UMAD1: variants seen among roughly 807,000 people sequenced by gnomAD.
UMAD1 encodes UBAP1-MVB12-associated (UMA) domain containing 1.
A neutral mutation model predicts 6.1 loss-of-function variants in UMAD1; 8 were observed. That is an observed-to-expected ratio of 1.30 (90% CI 0.76 to 2.35). The LOEUF is 2.35. Among genes scored for constraint, UMAD1 ranks in the 30% most tolerant of loss-of-function variants. The pLI, the probability that UMAD1 is intolerant of heterozygous loss-of-function variation, is 0.00. For synonymous variants in UMAD1, 56 were observed against 31.4 expected (o/e 1.78, Z -2.61); for missense variants, 130 against 78.4 (o/e 1.66, Z -2.49).
chr7:7,796,378 A>C (rs1051108115), intron 2 of UMAD1, among the ~76,000 whole-genome samples: 2 of 148,540 alleles, frequency 1.3e-5, no homozygotes, highest in African/African-American at 5.0e-5. Flanking sequence ...CAGCCTCCCG[A>C]GTAGCTGGGA....
chr7:7,743,025 T>TA (rs1781504769), intron 2 of UMAD1, among the ~76,000 whole-genome samples: 1 of 152,212 alleles, frequency 6.6e-6, no homozygotes. Context: ...TCTGTGTATA[T>TA]ATGTGTTTAC....
chr7:7,803,518 A>G (rs1273183008), intron 3 of UMAD1, among the ~76,000 whole-genome samples: 1 of 152,204 alleles, frequency 6.6e-6, no homozygotes, highest in African/African-American at 2.4e-5. Context: ...AACCACCAGG[A>G]TGGTTCAAAA....
In UMAD1 at chr7:7,673,362, A is replaced by AGCT. The variant is rs1381582853; in HGVS notation, c.-8_-7insTGC. ...CAGCAGCAGCAGCAGCAGCAGCAGC[A>AGCT]GCAGCAGCAATGTTTCACTTCTTCA... On this transcript the variant is annotated 5_prime_UTR_variant, in exon 2 of 4. Coordinates refer to ENST00000682710, the MANE Select transcript of UMAD1 (RefSeq NM_001302348.2). 7.9e-7 allele frequency: 1 copy of AGCT among 1,265,764 alleles called. No homozygotes were observed. Among genetic ancestry groups the AGCT allele is most frequent in the African/African-American group, 1.5e-5 (1 of 66,564 alleles). 78.4% of individuals were successfully genotyped at this position (1,265,764 alleles called of 1,614,324 possible).
intron 2 of UMAD1, among the ~76,000 whole-genome samples, chr7:7,697,020 A>G (rs954413261): frequency 1.3e-5 from 2 of 152,168 alleles, no homozygotes; most frequent in Non-Finnish European, 2.9e-5. Flanking sequence ...AGGTCTGTAT[A>G]ACTTCTGTCT....
chr7:7,780,234 G>T (rs1242101664), intron 2 of UMAD1, among the ~76,000 whole-genome samples: 1 of 152,024 alleles, frequency 6.6e-6, no homozygotes, highest in Non-Finnish European at 1.5e-5. Context: ...TTCAAACTAA[G>T]CTCTCCTCAT....
intron 3 of UMAD1, among the ~76,000 whole-genome samples, chr7:7,839,262 A>G (rs1563249172): frequency 6.6e-6 from 1 of 152,052 alleles, no homozygotes. Flanking sequence ...CCCGTTCTGG[A>G]AGGCAGGTGC....
chr7:7,728,823 T>C (rs1051507254), intron 2 of UMAD1, among the ~76,000 whole-genome samples: 2 of 152,184 alleles, frequency 1.3e-5, no homozygotes, highest in Non-Finnish European at 2.9e-5. Context: ...ATGTTTTCAT[T>C]CATTTATTCA....
chr7:7,871,371 T>G (rs1784329180), intron 3 of UMAD1, among the ~76,000 whole-genome samples: 1 of 152,232 alleles, frequency 6.6e-6, no homozygotes, highest in Non-Finnish European at 1.5e-5. Context: ...GTGCAGGATC[T>G]TGGAATATAG....
intron 2 of UMAD1, among the ~76,000 whole-genome samples, chr7:7,675,156 C>T (rs1413350246): frequency 6.6e-6 from 1 of 152,180 alleles, no homozygotes; most frequent in East Asian, 1.9e-4. Flanking sequence ...TGAGCCACCA[C>T]GTCCAGCCTC....
intron 2 of UMAD1, among the ~76,000 whole-genome samples, chr7:7,715,419 A>G (rs1780876910): frequency 6.6e-6 from 1 of 152,218 alleles, no homozygotes; most frequent in African/African-American, 2.4e-5. Context: ...TGATAACCAA[A>G]GCTAGTTCCC....
intron 1 of UMAD1, among the ~76,000 whole-genome samples, chr7:7,663,743 G>T (rs7781054): frequency 0.65 from 99,256 of 152,030 alleles, 32,637 homozygotes; most frequent in East Asian, 0.87. Flanking sequence ...ATAAATGGAT[G>T]CAAAATTGGT....
intron 3 of UMAD1, 41 bp from the exon 4 acceptor site, chr7:7,877,240 A>G (rs1563280668): frequency 2.9e-6 from 2 of 690,956 alleles, no homozygotes; most frequent in Non-Finnish European, 5.5e-6. Flanking sequence ...TCAACCTCAA[A>G]GTTCACAAGG....
intron 3 of UMAD1, among the ~76,000 whole-genome samples, chr7:7,852,179 G>A (rs867485662): frequency 4.6e-5 from 7 of 152,172 alleles, no homozygotes; most frequent in Middle Eastern, 6.8e-3. Flanking sequence ...TCAGCTGACC[G>A]CAGATACGTG....
At chr7:7,764,084 G>A (rs1206972894) in intron 2 of UMAD1, among the ~76,000 whole-genome samples, 1 of 152,170 alleles carries the variant, frequency 6.6e-6, no homozygotes, top group Non-Finnish European at 1.5e-5. Context: ...TATTTAATGA[G>A]AGACAATGCT....
chr7:7,762,788 C>A (rs140043151), intron 2 of UMAD1, among the ~76,000 whole-genome samples: 108 of 152,260 alleles, frequency 7.1e-4, no homozygotes, highest in Non-Finnish European at 1.3e-3. Context: ...ACACTTAACT[C>A]TTCACTTTCC....
At chr7:7,812,913 A>G in intron 3 of UMAD1, among the ~76,000 whole-genome samples, 1 of 151,966 alleles carries the variant, frequency 6.6e-6, no homozygotes, top group South Asian at 2.1e-4. Flanking sequence ...AGAGAGCTTA[A>G]GTGCAGCCAT....
intron 1 of UMAD1, among the ~76,000 whole-genome samples, chr7:7,663,235 G>A (rs1785520256): frequency 6.7e-6 from 1 of 148,912 alleles, no homozygotes; most frequent in Admixed American, 6.8e-5. Context: ...CCACTCAAGG[G>A]TTGGAACTTG....
chr7:7,687,797 C>T (rs1036755352), intron 2 of UMAD1, among the ~76,000 whole-genome samples: 1 of 152,164 alleles, frequency 6.6e-6, no homozygotes, highest in South Asian at 2.1e-4. Context: ...AAGGTTTACA[C>T]TATAGTGTTA....
chr7:7,775,764 T>G (rs1782192785), intron 2 of UMAD1, among the ~76,000 whole-genome samples: 3 of 152,188 alleles, frequency 2.0e-5, no homozygotes, highest in Admixed American at 2.0e-4. Context: ...GGTAAACATA[T>G]ACCTACTATA....
Sources: allele counts gnomAD v4.1 joint callset (sites outside exome capture counted in the v4.1 genomes callset), GRCh38; gene constraint gnomAD v4.1.1; transcripts MANE v1.5; gene names NCBI Gene and HGNC (gene_info 2026-07-23, HGNC 2026-07-21).